The following PBX1 variants were observed in gnomAD, a reference collection of about 807,000 sequenced individuals.
The protein encoded by PBX1 is pre-B-cell leukemia transcription factor 1.
PBX1 carries 6 observed loss-of-function variants against 53.4 expected under a neutral mutation model. The ratio of observed to expected loss-of-function variants is 0.11; its 90% confidence interval spans 0.06 to 0.22. The LOEUF (loss-of-function observed/expected upper bound fraction) is 0.22. PBX1 is among the 10% of genes least tolerant of loss of function. The pLI is 1.00. For synonymous variants in PBX1, 204 were observed against 212.3 expected (o/e 0.96, Z 0.34); for missense variants, 251 against 551.4 (o/e 0.46, Z 5.46).
intron 8 of PBX1, among the ~76,000 whole-genome samples, chr1:164,826,846 A>G (rs950108970): frequency 6.6e-6 from 1 of 152,214 alleles, no homozygotes; most frequent in Non-Finnish European, 1.5e-5. Context: ...TTATCTCTAC[A>G]AAGGTAACAT....
At chr1:164,765,535 A>G (rs988158804) in intron 2 of PBX1, among the ~76,000 whole-genome samples, 1 of 152,212 alleles carries the variant, frequency 6.6e-6, no homozygotes, top group African/African-American at 2.4e-5. Context: ...TAAACACAGG[A>G]GAGAAGGCAG....
chr1:164,764,512 G>C (rs1402330725), intron 2 of PBX1, among the ~76,000 whole-genome samples: 1 of 152,156 alleles, frequency 6.6e-6, no homozygotes, highest in Non-Finnish European at 1.5e-5. Flanking sequence ...TCATAAGTGA[G>C]CTCTGCTGGT....
chr1:164,626,411 G>A (rs1342885426), intron 2 of PBX1, among the ~76,000 whole-genome samples: 2 of 152,126 alleles, frequency 1.3e-5, no homozygotes, highest in African/African-American at 4.8e-5. Flanking sequence ...TGCCCGGCCT[G>A]GTCTCTGCTA....
At chr1:164,610,633 C>G (rs947930090) in intron 2 of PBX1, among the ~76,000 whole-genome samples, 1 of 152,118 alleles carries the variant, frequency 6.6e-6, no homozygotes, top group South Asian at 2.1e-4. Context: ...TACAAGCGAT[C>G]GGTTCTGTAC....
At chr1:164,840,190 C>T (rs1466235672) in intron 8 of PBX1, among the ~76,000 whole-genome samples, 2 of 152,116 alleles carry the variant, frequency 1.3e-5, no homozygotes, top group Non-Finnish European at 2.9e-5. Context: ...GACACTGATG[C>T]AAAATGTCCA....
intron 2 of PBX1, among the ~76,000 whole-genome samples, chr1:164,690,997 A>G (rs1686193): frequency 0.83 from 121,972 of 147,682 alleles, 50,463 homozygotes; most frequent in Admixed American, 0.87. Context: ...TAAAGTGATC[A>G]AGAGTTGTTA....
Position 164,863,644 on chromosome 1 carries a change from C to T in PBX1, n.257+32161C>T, listed in dbSNP as rs550484738. 7.9e-5 allele frequency among the ~76,000 whole-genome samples: 12 copies of T among 152,258 alleles called. No individual in the cohort carries two copies. The East Asian group carries it at 2.3e-3, about 29-fold the overall frequency. ...CAACAATGTCTTCTTGAGAAGTTGC[C>T]TCTCAGGCTATAAACTGACAAATTA... On this transcript the variant is annotated intron_variant and non_coding_transcript_variant, in intron 2 of 2. Transcript: ENST00000558796.
At chr1:164,726,049 A>T (rs1338969297) in intron 2 of PBX1, among the ~76,000 whole-genome samples, 1 of 152,194 alleles carries the variant, frequency 6.6e-6, no homozygotes, top group Admixed American at 6.5e-5. Flanking sequence ...TTACTGGAAA[A>T]GTGTTATACT....
intron 5 of PBX1, among the ~76,000 whole-genome samples, 191 bp downstream of exon 5, chr1:164,807,868 T>G (rs1571445982): frequency 6.6e-6 from 1 of 152,170 alleles, no homozygotes; most frequent in Non-Finnish European, 1.5e-5. Context: ...TTGGCAAAAC[T>G]TGAGAAGAAC....
intron 1 of PBX1, 152 bp downstream of exon 1, chr1:164,560,165 T>A (rs1360634593): frequency 1.7e-6 from 1 of 591,732 alleles, no homozygotes; most frequent in African/African-American, 2.0e-5. Flanking sequence ...GGCGGAGGAG[T>A]AAAATTTGAA....
chr1:164,686,969 A>G (rs936158466), intron 2 of PBX1, among the ~76,000 whole-genome samples: 5 of 151,040 alleles, frequency 3.3e-5, no homozygotes, highest in Admixed American at 3.3e-4. Context: ...AAAAAAAACC[A>G]AAAAAACGAA....
At chr1:164,600,461 C>T (rs1041660179) in intron 2 of PBX1, among the ~76,000 whole-genome samples, 1 of 152,070 alleles carries the variant, frequency 6.6e-6, no homozygotes, top group South Asian at 2.1e-4. Context: ...GTTAGTCAGG[C>T]TGGTCTCGAA....
chr1:164,884,725 G>A (rs1367128550), intron 2 of PBX1, among the ~76,000 whole-genome samples: 4 of 152,176 alleles, frequency 2.6e-5, no homozygotes, highest in African/African-American at 9.7e-5. Context: ...AAACTCTGGT[G>A]AGCAGTGAGT....
chr1:164,847,901 C>T lies in PBX1; in HGVS notation c.*1225C>T. On this transcript the variant is annotated 3_prime_UTR_variant, in exon 9 of 9. Coordinates refer to ENST00000420696, the MANE Select transcript of PBX1 (RefSeq NM_002585.4). The stretch of plus-strand genomic sequence containing the variant: ...CCAGTGTAAACTACTCTTGTTCCCA[C>T]CACCTCTGGAGCACTCAGGGAGCCC... 1 of 1,054,892 alleles carries T rather than the reference C, an allele frequency of 9.5e-7. No homozygotes were observed. The highest frequency in any genetic ancestry group is 1.1e-6 in the Non-Finnish European group (1 of 872,654). 65.3% of individuals were successfully genotyped at this position (1,054,892 alleles called of 1,614,324 possible).
At chr1:164,587,301 A>G (rs1239743853) in intron 2 of PBX1, among the ~76,000 whole-genome samples, 2 of 152,226 alleles carry the variant, frequency 1.3e-5, no homozygotes, top group Non-Finnish European at 2.9e-5. Context: ...GACAGAAGGA[A>G]CACCAGAGGG....
chr1:164,869,882 C>T (rs996914005), intron 2 of PBX1, among the ~76,000 whole-genome samples: 1 of 152,264 alleles, frequency 6.6e-6, no homozygotes. Flanking sequence ...GCAGAGTATA[C>T]AGCACATTCA....
chr1:164,674,071 C>G (rs1291549970), intron 2 of PBX1, among the ~76,000 whole-genome samples: 1 of 152,182 alleles, frequency 6.6e-6, no homozygotes, highest in African/African-American at 2.4e-5. Context: ...GAGCCAGTTC[C>G]CCGTCCAGCT....
intron 3 of PBX1, among the ~76,000 whole-genome samples, chr1:164,799,351 C>T (rs905579764): frequency 5.9e-5 from 9 of 151,978 alleles, no homozygotes; most frequent in East Asian, 3.9e-4. Context: ...ATTAGCTGGG[C>T]GTGGTGGCGG....
intron 2 of PBX1, among the ~76,000 whole-genome samples, chr1:164,868,102 A>G (rs1317037307): frequency 6.6e-6 from 1 of 152,236 alleles, no homozygotes; most frequent in Non-Finnish European, 1.5e-5. Flanking sequence ...ATACGGAGAA[A>G]GAGAGAAAAT....
Sources: allele counts gnomAD v4.1 joint callset (sites outside exome capture counted in the v4.1 genomes callset), GRCh38; gene constraint gnomAD v4.1.1; transcripts MANE v1.5; gene names NCBI Gene and HGNC (gene_info 2026-07-23, HGNC 2026-07-21).